YWHAG: variants seen among roughly 807,000 people sequenced by gnomAD.
The protein encoded by YWHAG is 14-3-3 protein gamma.
YWHAG carries 1 observed loss-of-function variant against 23.3 expected under a neutral mutation model. The observed-to-expected ratio is 0.04, with a 90% CI of 0.02 to 0.20. The LOEUF (loss-of-function observed/expected upper bound fraction) is 0.20. YWHAG is among the 10% of genes least tolerant of loss of function. YWHAG has a pLI of 1.00. For synonymous variants in YWHAG, 160 were observed against 144.0 expected, an observed-to-expected ratio of 1.11 and a Z score of -0.80; for missense variants, 151 against 338.6, an observed-to-expected ratio of 0.45 and a Z score of 4.35.
chr7:76,327,106 C>A lies in YWHAG; in HGVS notation c.*2471G>T, dbSNP rs746417297. 1 of 152,408 alleles carries A rather than the reference C, an allele frequency of 6.6e-6. No homozygotes were observed. Among genetic ancestry groups the A allele is most frequent in the African/African-American group, 2.4e-5 (1 of 41,398 alleles). The allele number at this position is 152,408 out of a possible 1,614,324, so 9.4% of individuals were successfully genotyped here. On this transcript the variant is annotated 3_prime_UTR_variant, in exon 2 of 2. Transcript: ENST00000307630. The stretch of plus-strand genomic sequence containing the variant: ...AACACTGGTGTTTCTTTTGCTCCCC[C>A]CCTTTTAAAAACAAAATATATAACT...
intron 1 of YWHAG, among the ~76,000 whole-genome samples, chr7:76,344,303 G>A (rs1192349396): frequency 6.6e-6 from 1 of 152,092 alleles, no homozygotes; most frequent in Non-Finnish European, 1.5e-5. Flanking sequence ...TACAGACAGG[G>A]TTTCACCATG....
At chr7:76,338,725 GA>G (rs1032819759) in intron 1 of YWHAG, among the ~76,000 whole-genome samples, 11 of 152,224 alleles carry the variant, frequency 7.2e-5, no homozygotes, top group African/African-American at 2.6e-4. Flanking sequence ...CGGAGAAAAG[GA>G]AAACAATAGG....
intron 1 of YWHAG, 62 bp from the exon 2 acceptor site, chr7:76,330,295 C>CT: frequency 6.6e-7 from 1 of 1,508,542 alleles, no homozygotes; most frequent in Non-Finnish European, 9.0e-7. Flanking sequence ...TTAACTGTAT[C>CT]TTTGAGACAC....
chr7:76,358,236 T>TG (rs1162722871), intron 1 of YWHAG, among the ~76,000 whole-genome samples: 1 of 151,486 alleles, frequency 6.6e-6, no homozygotes, highest in Non-Finnish European at 1.5e-5. Flanking sequence ...GGGAAGATTC[T>TG]GGGGGGGCTG....
chr7:76,344,422 C>T (rs990650782), intron 1 of YWHAG, among the ~76,000 whole-genome samples: 1 of 152,126 alleles, frequency 6.6e-6, no homozygotes, highest in African/African-American at 2.4e-5. Flanking sequence ...CTCTACAGCT[C>T]ACCTAACTCC....
At chr7:76,336,932 G>A (rs1335092974) in intron 1 of YWHAG, among the ~76,000 whole-genome samples, 1 of 152,196 alleles carries the variant, frequency 6.6e-6, no homozygotes, top group African/African-American at 2.4e-5. Flanking sequence ...ACCAAGTGCA[G>A]GATGTGCGCT....
In YWHAG at chr7:76,329,408, G is replaced by T; in HGVS notation, c.*169C>A. On this transcript the variant is annotated 3_prime_UTR_variant, in exon 2 of 2. Transcript: ENST00000307630. The surrounding 1 kb of genome is among the most constrained non-coding windows in gnomAD (Gnocchi z 6.1). ...CAGCTAGCCTGACTTTCCACTAGTG[G>T]TATTTTGGCAAAAATGTCAAAGAGG... The T allele has an allele frequency of 1.2e-6, 1 of 834,834 alleles. No homozygotes were observed. The highest frequency in any genetic ancestry group is 1.8e-6 in the Non-Finnish European group (1 of 553,586). The allele number at this position is 834,834 out of a possible 1,614,324, so 51.7% of individuals were successfully genotyped here.
At position 76,330,102 on chromosome 7, in the gene YWHAG, G is replaced by A. The variant is rs201063817; in HGVS notation, c.219C>T (p.Asp73=). The A allele has an allele frequency of 5.5e-5, 88 of 1,614,068 alleles. No homozygotes were observed. The highest frequency in any genetic ancestry group is 6.7e-5 in the Admixed American group (4 of 60,016). The change falls in exon 2 of 2, where the codon GAC becomes GAT. Residue 73 remains aspartate, a synonymous_variant. Transcript: ENST00000307630. ...CCATCTCAATCTTCTTCTCATTGCCGTCTGCAGATGTCTTCTGCTCAATGC... is the reference window on the plus strand; with the variant it reads ...CCATCTCAATCTTCTTCTCATTGCCATCTGCAGATGTCTTCTGCTCAATGC... The part of the protein sequence containing the change: ...ISSIEQKTSA[D]GNEKKIEMVR...
intron 1 of YWHAG, among the ~76,000 whole-genome samples, chr7:76,341,418 A>AAAG (rs1329670200): frequency 1.3e-5 from 2 of 150,984 alleles, no homozygotes; most frequent in Non-Finnish European, 3.0e-5. Context: ...AAAAAAAAAA[A>AAAG]AAAAAAAAAA....
At chr7:76,333,134 A>G (rs1281097194) in intron 1 of YWHAG, among the ~76,000 whole-genome samples, 1 of 150,718 alleles carries the variant, frequency 6.6e-6, no homozygotes, top group African/African-American at 2.4e-5. Context: ...ACACCCAGCT[A>G]ATTTTTGTAT....
rs1317613383 is a variant in YWHAG at position 76,329,709 on chromosome 7, G to A, written c.612C>T (p.Ala204=). The change falls in exon 2 of 2, where the codon GCC becomes GCT. Residue 204 remains alanine (A), a synonymous_variant. Transcript: ENST00000307630. This position sits in a 1 kb window ranked among gnomAD's most constrained non-coding sequence, Gnocchi z 6.1. ...CGTTGAGGGTGTCAAGCTCGGCGAT[G>A]GCGTCGTCGAACGCGGTCTTGGCCA... The part of the protein sequence containing the change: ...CHLAKTAFDD[A]IAELDTLNED... The A allele has an allele frequency of 1.2e-6, 2 of 1,614,110 alleles. No individual in the cohort carries two copies. The highest frequency in any genetic ancestry group is 1.7e-5 in the Admixed American group (1 of 60,004).
chr7:76,350,432 G>C (rs1379434009), intron 1 of YWHAG, among the ~76,000 whole-genome samples: 1 of 152,188 alleles, frequency 6.6e-6, no homozygotes, highest in Non-Finnish European at 1.5e-5. Context: ...CGTACGAATT[G>C]TGCCTGAAAG....
At chr7:76,336,259 T>G (rs1381021695) in intron 1 of YWHAG, among the ~76,000 whole-genome samples, 1 of 152,160 alleles carries the variant, frequency 6.6e-6, no homozygotes, top group East Asian at 1.9e-4. Flanking sequence ...CTCCACAGAA[T>G]GTAGATCACC....
At chr7:76,334,133 AG>A (rs897948678) in intron 1 of YWHAG, among the ~76,000 whole-genome samples, 3 of 152,234 alleles carry the variant, frequency 2.0e-5, no homozygotes, top group Non-Finnish European at 2.9e-5. Context: ...AGCTCTAAAA[AG>A]TCTAAAGAAA....
intron 1 of YWHAG, among the ~76,000 whole-genome samples, chr7:76,340,445 T>C (rs1397522212): frequency 1.3e-5 from 2 of 152,256 alleles, no homozygotes; most frequent in Non-Finnish European, 2.9e-5. Flanking sequence ...CTTGGTTTAA[T>C]TGTATTTTTC....
chr7:76,332,691 CTTTTTTTTT>C (rs1335846429), intron 1 of YWHAG, among the ~76,000 whole-genome samples: 1 of 134,772 alleles, frequency 7.4e-6, no homozygotes, highest in Non-Finnish European at 1.6e-5. Flanking sequence ...TGGCTGATTT[CTTTTTTTTT>C]TTTTTTTGGA....
chr7:76,343,931 T>C (rs1016186888), intron 1 of YWHAG, among the ~76,000 whole-genome samples: 7 of 152,186 alleles, frequency 4.6e-5, no homozygotes, highest in Admixed American at 4.6e-4. Flanking sequence ...TAATACCGTA[T>C]TTCACAGCTC....
intron 1 of YWHAG, among the ~76,000 whole-genome samples, chr7:76,355,623 T>C (rs1803942748): frequency 6.6e-6 from 1 of 152,016 alleles, no homozygotes; most frequent in South Asian, 2.1e-4. Context: ...ATTGATCTCC[T>C]GGAAGAGCCT....
intron 1 of YWHAG, among the ~76,000 whole-genome samples, chr7:76,338,088 T>C (rs1298064649): frequency 1.3e-5 from 2 of 152,034 alleles, no homozygotes; most frequent in East Asian, 1.9e-4. Flanking sequence ...TCACATTGTA[T>C]CACAACGTGA....
Sources: allele counts gnomAD v4.1 joint callset (sites outside exome capture counted in the v4.1 genomes callset), GRCh38; gene constraint gnomAD v4.1.1; non-coding constraint Gnocchi (gnomAD v3.1); transcripts MANE v1.5; gene names NCBI Gene and HGNC (gene_info 2026-07-23, HGNC 2026-07-21).